BEND5: variants seen among roughly 807,000 people sequenced by gnomAD.
The protein encoded by BEND5 is BEN domain-containing protein 5.
A neutral mutation model predicts 43.9 loss-of-function variants in BEND5; 22 were observed. The ratio of observed to expected loss-of-function variants is 0.50; its 90% CI spans 0.36 to 0.72. BEND5 has a LOEUF of 0.72. BEND5 is among the 30% of genes least tolerant of loss of function. The pLI, the probability that BEND5 is intolerant of heterozygous loss-of-function variation, is 0.00. For synonymous variants in BEND5, 228 were observed against 225.9 expected, an observed-to-expected ratio of 1.01 and a Z score of -0.08; for missense variants, 428 against 550.6, an observed-to-expected ratio of 0.78 and a Z score of 2.23.
chr1:48,768,685 T>A (rs1006250115), intron 1 of BEND5, among the ~76,000 whole-genome samples: 9 of 152,206 alleles, frequency 5.9e-5, no homozygotes, highest in Non-Finnish European at 1.3e-4. Context: ...AATAATCCAA[T>A]GTCAGAGAGC....
intron 4 of BEND5, among the ~76,000 whole-genome samples, chr1:48,739,256 C>A (rs974598488): frequency 1.3e-5 from 2 of 152,222 alleles, no homozygotes; most frequent in African/African-American, 2.4e-5. Flanking sequence ...CCTATAATCA[C>A]GACAGATTAA....
intron 3 of BEND5, among the ~76,000 whole-genome samples, chr1:48,755,710 A>G (rs922951992): frequency 2.0e-5 from 3 of 152,068 alleles, no homozygotes; most frequent in Non-Finnish European, 4.4e-5. Flanking sequence ...TCCAAGAGAG[A>G]CTTCTCCCTT....
chr1:48,766,599 A>C (rs571668015), intron 1 of BEND5, among the ~76,000 whole-genome samples: 1 of 152,332 alleles, frequency 6.6e-6, no homozygotes, highest in East Asian at 1.9e-4. Flanking sequence ...TGAATAGTCC[A>C]GGAAGCTCTG....
chr1:48,775,877 C>T (rs1645053788), intron 1 of BEND5, among the ~76,000 whole-genome samples: 1 of 152,206 alleles, frequency 6.6e-6, no homozygotes. Flanking sequence ...CTCTCCTGGC[C>T]CTCAACTCTC....
intron 5 of BEND5, among the ~76,000 whole-genome samples, chr1:48,729,099 T>C (rs1002765254): frequency 6.6e-6 from 1 of 151,960 alleles, no homozygotes; most frequent in Non-Finnish European, 1.5e-5. Flanking sequence ...GATAACAAAC[T>C]ACAGAGCATT....
rs1649070733 is a variant in BEND5, at chr1:48,736,460, G to A, written c.895-8C>T. On this transcript the variant is annotated splice_polypyrimidine_tract_variant and splice_region_variant and intron_variant, in intron 4 of 5. Transcript: ENST00000371833. This position sits in a 1 kb window ranked among gnomAD's most constrained non-coding sequence, Gnocchi z 4.0. ...CCCGCTTCCCAGATGGACCTGAGAGGAATAAGAACACCAGCACCTGTTTAG... is the reference window on the plus strand; with the variant it reads ...CCCGCTTCCCAGATGGACCTGAGAGAAATAAGAACACCAGCACCTGTTTAG... The A allele has an allele frequency of 6.2e-7, 1 of 1,613,198 alleles. No individual in the cohort carries two copies. The highest frequency in any genetic ancestry group is 1.3e-5 in the African/African-American group (1 of 74,920).
chr1:48,746,600 C>T (rs1297893453), intron 3 of BEND5, among the ~76,000 whole-genome samples: 1 of 152,254 alleles, frequency 6.6e-6, no homozygotes, highest in Non-Finnish European at 1.5e-5. Flanking sequence ...CAACAGCCTC[C>T]TCCTTCCAGG....
intron 1 of BEND5, among the ~76,000 whole-genome samples, chr1:48,764,059 A>G (rs1644410117): frequency 6.6e-6 from 1 of 152,240 alleles, no homozygotes; most frequent in African/African-American, 2.4e-5. Flanking sequence ...GGGGACACAG[A>G]TGAACAAACA....
At chr1:48,769,681 A>G (rs1388888080) in intron 1 of BEND5, among the ~76,000 whole-genome samples, 1 of 152,116 alleles carries the variant, frequency 6.6e-6, no homozygotes, top group East Asian at 1.9e-4. Flanking sequence ...TTCTCTCAGC[A>G]CCTATTAGTC....
intron 2 of BEND5, 141 bp downstream of exon 2, chr1:48,761,196 C>T (rs1412205743): frequency 2.1e-6 from 2 of 955,176 alleles, no homozygotes; most frequent in African/African-American, 3.3e-5. Flanking sequence ...TTGTCCCACG[C>T]TTTCACTACC....
In BEND5 at chr1:48,766,609, G is replaced by C. The variant is rs775545911; in HGVS notation, c.227-5139C>G. On this transcript the variant is annotated intron_variant, in intron 1 of 5. Transcript: ENST00000371833. ...GTGGCTGAATAGTCCAGGAAGCTCT[G>C]AGGTGTCAGGAATGAGTTCAGGAAA... 4.1e-4 allele frequency among the ~76,000 whole-genome samples: 63 copies of C among 152,320 alleles called. 1 individual carries two copies. Among genetic ancestry groups the C allele is most frequent in the Non-Finnish European group, 4.9e-4 (33 of 68,022 alleles).
At chr1:48,760,809 A>C (rs1032556956) in intron 2 of BEND5, among the ~76,000 whole-genome samples, 1 of 152,210 alleles carries the variant, frequency 6.6e-6, no homozygotes, top group Non-Finnish European at 1.5e-5. Flanking sequence ...CAAGATTTTC[A>C]GCAGTTTCCA....
chr1:48,776,705 C>G lies in BEND5; in HGVS notation c.127G>C (p.Gly43Arg). 2 of 1,520,570 alleles carry G rather than the reference C, an allele frequency of 1.3e-6. No homozygotes were observed. The highest frequency in any genetic ancestry group is 1.8e-6 in the Non-Finnish European group (2 of 1,135,044). The allele number at this position is 1,520,570 out of a possible 1,614,324, so 94.2% of individuals were successfully genotyped here. A position where few individuals can be genotyped will look rare whatever the true frequency, so the allele number is the denominator to read the frequency against. ...DNQKVYAVYR[G>R]PEELGAGPES... The stretch of plus-strand genomic sequence containing the variant: ...GGCCCGGCGCCCAATTCCTCCGGGC[C>G]CCGGTACACGGCGTACACCTTCTGG... Residue 43 changes from glycine to arginine, a missense_variant, in exon 1 of 6, where the codon GGC (glycine) becomes CGC (arginine). By Grantham distance (125) the Gly-to-Arg change is moderately radical (BLOSUM62 -2). Coordinates refer to ENST00000371833, the MANE Select transcript of BEND5 (RefSeq NM_024603.4).
chr1:48,750,630 G>A (rs1054044900), intron 3 of BEND5, among the ~76,000 whole-genome samples: 3 of 152,174 alleles, frequency 2.0e-5, no homozygotes, highest in Non-Finnish European at 4.4e-5. Flanking sequence ...TGATTTCTCC[G>A]TGCCTAGCAC....
At chr1:48,729,912 A>G (rs1331429223) in intron 5 of BEND5, among the ~76,000 whole-genome samples, 1 of 152,152 alleles carries the variant, frequency 6.6e-6, no homozygotes, top group African/African-American at 2.4e-5. Context: ...ACAAGAAGGT[A>G]GGAGGCCCTG....
chr1:48,769,526 AACACACACACACACACACAC>A (rs558937968), intron 1 of BEND5, among the ~76,000 whole-genome samples: 7 of 130,214 alleles, frequency 5.4e-5, no homozygotes, highest in Non-Finnish European at 9.6e-5. Flanking sequence ...GAGGATTTAA[AACACACACACACACACACAC>A]ACACACACAC....
chr1:48,747,718 T>C (rs1157938851), intron 3 of BEND5, among the ~76,000 whole-genome samples: 1 of 152,194 alleles, frequency 6.6e-6, no homozygotes, highest in Non-Finnish European at 1.5e-5. Context: ...GGGCAACAAA[T>C]ACATGAAATT....
In BEND5 at chr1:48,761,502, C is replaced by T. The variant is rs577534756; in HGVS notation, c.227-32G>A. 75 of 1,543,328 alleles carry T rather than the reference C, an allele frequency of 4.9e-5. No individual in the cohort carries two copies. In the Admixed American group the frequency reaches 1.4e-3, roughly 29 times the overall value. On this transcript the variant is annotated intron_variant, in intron 1 of 5. Coordinates refer to ENST00000371833, the MANE Select transcript of BEND5 (RefSeq NM_024603.4). ...TGCATATCAAGAGAACAAGGTTCAT[C>T]ATGAGTTAAAATGAGTCATTATGAG...
intron 1 of BEND5, among the ~76,000 whole-genome samples, chr1:48,767,444 T>C (rs145164908): frequency 4.2e-4 from 64 of 152,086 alleles, no homozygotes; most frequent in African/African-American, 1.5e-3. Flanking sequence ...ATGAAAGAGA[T>C]GTTTTAGGAA....
Sources: allele counts gnomAD v4.1 joint callset (sites outside exome capture counted in the v4.1 genomes callset), GRCh38; gene constraint gnomAD v4.1.1; non-coding constraint Gnocchi (gnomAD v3.1); transcripts MANE v1.5; gene names NCBI Gene and HGNC (gene_info 2026-07-23, HGNC 2026-07-21).